ADAMTSL1: variants seen among roughly 807,000 people sequenced by gnomAD.
The protein encoded by ADAMTSL1 is ADAMTS like 1, also known as ADAMTS-like protein 1.
Under a neutral mutation model 201.8 loss-of-function variants are expected in ADAMTSL1, and 126 were observed. The observed-to-expected ratio is 0.62, with a 90% CI of 0.54 to 0.72. The LOEUF (loss-of-function observed/expected upper bound fraction) is 0.72, where lower values mean the gene tolerates loss of function less well. ADAMTSL1 is among the 30% of genes least tolerant of loss of function. ADAMTSL1 has a pLI of 0.00. For missense variants in ADAMTSL1, 2,679 were observed against 2,277.8 expected (o/e 1.18, Z -3.59); for synonymous variants, 1,121 against 903.4 (o/e 1.24, Z -4.32).
At chr9:18,294,876 G>A (rs1833411911) in intron 2 of ADAMTSL1, among the ~76,000 whole-genome samples, 1 of 152,196 alleles carries the variant, frequency 6.6e-6, no homozygotes, top group Non-Finnish European at 1.5e-5. Flanking sequence ...GGCCTGCCAT[G>A]CTTTCTCTCA....
chr9:18,810,847 A>G (rs965118988), intron 20 of ADAMTSL1, among the ~76,000 whole-genome samples: 1 of 152,232 alleles, frequency 6.6e-6, no homozygotes, highest in African/African-American at 2.4e-5. Context: ...GGCCCTGTAC[A>G]TTATATATAA....
At chr9:18,814,071 G>C (rs1055618733) in intron 20 of ADAMTSL1, among the ~76,000 whole-genome samples, 20 of 152,080 alleles carry the variant, frequency 1.3e-4, no homozygotes, top group African/African-American at 4.3e-4. Context: ...TCTTATAATA[G>C]CCATTCTAAC....
At chr9:18,214,732 G>C (rs912016368) in intron 2 of ADAMTSL1, among the ~76,000 whole-genome samples, 1 of 152,096 alleles carries the variant, frequency 6.6e-6, no homozygotes, top group Non-Finnish European at 1.5e-5. Flanking sequence ...TCAAAGTAGA[G>C]TTACTTCATT....
intron 1 of ADAMTSL1, among the ~76,000 whole-genome samples, chr9:18,503,525 C>G (rs1195523844): frequency 6.6e-6 from 1 of 151,414 alleles, no homozygotes; most frequent in Non-Finnish European, 1.5e-5. Context: ...AACTCTTTCA[C>G]TGCTCAAAAA....
intron 1 of ADAMTSL1, among the ~76,000 whole-genome samples, chr9:18,117,062 G>C (rs1825282532): frequency 1.3e-5 from 2 of 152,106 alleles, no homozygotes; most frequent in South Asian, 2.1e-4. Flanking sequence ...AAAGAATCTT[G>C]TCTCTACCTT....
At chr9:18,650,236 C>T (rs891704193) in intron 7 of ADAMTSL1, among the ~76,000 whole-genome samples, 2 of 152,198 alleles carry the variant, frequency 1.3e-5, no homozygotes, top group African/African-American at 4.8e-5. Context: ...TTTCCTAAGC[C>T]CATCGGAAAA....
intron 12 of ADAMTSL1, among the ~76,000 whole-genome samples, chr9:18,683,854 C>T (rs1830666998): frequency 6.6e-6 from 1 of 152,146 alleles, no homozygotes. Flanking sequence ...CATTAAAATA[C>T]CATATAATTC....
chr9:17,945,890 A>C (rs1023545090), intron 1 of ADAMTSL1, among the ~76,000 whole-genome samples: 1 of 151,412 alleles, frequency 6.6e-6, no homozygotes, highest in Non-Finnish European at 1.5e-5. Flanking sequence ...TGGGTGCAGC[A>C]CACCAGCATG....
chr9:18,151,575 A>C (rs989985683), intron 1 of ADAMTSL1, among the ~76,000 whole-genome samples: 2 of 151,916 alleles, frequency 1.3e-5, no homozygotes, highest in Admixed American at 6.6e-5. Context: ...TGCCAAATTT[A>C]TTTTCATTGT....
At chr9:18,496,869 G>C (rs1391599042) in intron 1 of ADAMTSL1, among the ~76,000 whole-genome samples, 1 of 152,140 alleles carries the variant, frequency 6.6e-6, no homozygotes, top group African/African-American at 2.4e-5. Flanking sequence ...CAGTTTGGAC[G>C]GACCTCTGGT....
intron 2 of ADAMTSL1, among the ~76,000 whole-genome samples, chr9:18,517,717 T>C (rs374692019): frequency 1.1e-4 from 16 of 152,298 alleles, no homozygotes; most frequent in African/African-American, 3.6e-4. Flanking sequence ...TGATTTCCAA[T>C]TTCATCCATG....
intron 1 of ADAMTSL1, among the ~76,000 whole-genome samples, chr9:17,936,764 A>T (rs1827026490): frequency 6.6e-6 from 1 of 152,152 alleles, no homozygotes; most frequent in Non-Finnish European, 1.5e-5. Flanking sequence ...GCCTGCATGG[A>T]TGGGCTTTTG....
chr9:18,408,166 T>C (rs1818282574), intron 2 of ADAMTSL1, among the ~76,000 whole-genome samples: 1 of 152,132 alleles, frequency 6.6e-6, no homozygotes, highest in African/African-American at 2.4e-5. Flanking sequence ...ATCCATCCTT[T>C]CATTTCAGAA....
intron 14 of ADAMTSL1, among the ~76,000 whole-genome samples, chr9:18,714,732 T>C (rs1832813829): frequency 6.6e-6 from 1 of 152,018 alleles, no homozygotes; most frequent in African/African-American, 2.4e-5. Flanking sequence ...GAGGGAATCC[T>C]CCCTAACTCA....
rs112155362 is a variant in ADAMTSL1 at position 18,394,835 on chromosome 9, C to G, written c.208-109994C>G. On this transcript the variant is annotated intron_variant, in intron 2 of 29. Coordinates refer to the ADAMTSL1 transcript ENST00000680146. ...TTGCATTATGCTATTAAATGGAACA[C>G]TTAATCAGCTTTTTTGCCAAGAGAA... Among the ~76,000 whole-genome samples the G allele has an allele frequency of 6.9e-3, 1,052 of 152,252 alleles. 15 individuals carry two copies. Among genetic ancestry groups the G allele is most frequent in the African/African-American group, 0.024 (994 of 41,552 alleles).
chr9:18,118,864 C>G (rs2131909425), intron 1 of ADAMTSL1, among the ~76,000 whole-genome samples: 1 of 152,264 alleles, frequency 6.6e-6, no homozygotes, highest in Admixed American at 6.5e-5. Context: ...TGTATTTTTT[C>G]ACTAAGACAG....
At chr9:18,429,493 A>G (rs1819385846) in intron 2 of ADAMTSL1, among the ~76,000 whole-genome samples, 1 of 152,186 alleles carries the variant, frequency 6.6e-6, no homozygotes, top group Non-Finnish European at 1.5e-5. Flanking sequence ...GACGGTTTCT[A>G]AACCAAAACT....
intron 2 of ADAMTSL1, among the ~76,000 whole-genome samples, chr9:18,182,033 C>T (rs1828503861): frequency 6.6e-6 from 1 of 150,726 alleles, no homozygotes. Context: ...TAAACTATTG[C>T]AAGAACAAAA....
At chr9:18,186,556 C>T (rs1283756101) in intron 2 of ADAMTSL1, among the ~76,000 whole-genome samples, 2 of 152,038 alleles carry the variant, frequency 1.3e-5, no homozygotes. Context: ...TAAAAGTAGA[C>T]TTTGCATTTC....
Sources: allele counts gnomAD v4.1 joint callset (sites outside exome capture counted in the v4.1 genomes callset), GRCh38; gene constraint gnomAD v4.1.1; transcripts MANE v1.5; gene names NCBI Gene and HGNC (gene_info 2026-07-23, HGNC 2026-07-21).